The following SNW1 variants were observed in gnomAD, a reference collection of about 807,000 sequenced individuals.
SNW1 encodes SNW domain containing 1, also known as SNW domain-containing protein 1.
SNW1 carries 9 observed loss-of-function variants against 75.6 expected under a neutral mutation model. The observed-to-expected ratio is 0.12, with a 90% CI of 0.07 to 0.21. SNW1 has a LOEUF of 0.21. SNW1 is among the 10% of genes least tolerant of loss of function. SNW1 has a pLI of 1.00. For missense variants in SNW1, 409 were observed against 670.9 expected (o/e 0.61, Z 4.31); for synonymous variants, 200 against 219.1 (o/e 0.91, Z 0.77).
chr14:77,724,471 G>C (rs1451130518), intron 10 of SNW1, among the ~76,000 whole-genome samples: 2 of 152,118 alleles, frequency 1.3e-5, no homozygotes, highest in Admixed American at 6.6e-5. Context: ...CTTTCTAACT[G>C]TATTTCTGTA....
At chr14:77,719,636 A>G (rs1249491998) in intron 12 of SNW1, among the ~76,000 whole-genome samples, 1 of 102,720 alleles carries the variant, frequency 9.7e-6, no homozygotes, top group South Asian at 3.9e-4. Flanking sequence ...GTGGGACTCC[A>G]TATCAGAAAA....
rs2080500738 is a variant in SNW1, at chr14:77,717,805, A to G, written c.*283T>C. 5.7e-5 allele frequency: 33 copies of G among 579,388 alleles called. No homozygotes were observed. In the South Asian group the frequency reaches 7.7e-4, roughly 14 times the overall value. 35.9% of individuals were successfully genotyped at this position (579,388 alleles called of 1,614,324 possible). A position where few individuals can be genotyped will look rare whatever the true frequency, so the allele number is the denominator to read the frequency against. ...CACAAAACATTAACCCCAAACTACT[A>G]GTGTCACATAAAAGTAAGTGGTCTT... is the stretch of plus-strand genomic sequence containing the variant. On this transcript the variant is annotated 3_prime_UTR_variant, in exon 14 of 14. Transcript: ENST00000261531.
Position 77,717,699 on chromosome 14 carries a change from T to C in SNW1, c.*389A>G, listed in dbSNP as rs2080499593. 67 of 737,390 alleles carry C rather than the reference T, an allele frequency of 9.1e-5. No homozygotes were observed. In the South Asian group the frequency reaches 1.1e-3, roughly 12 times the overall value. 45.7% of individuals were successfully genotyped at this position (737,390 alleles called of 1,614,324 possible). A position where few individuals can be genotyped will look rare whatever the true frequency, so the allele number is the denominator to read the frequency against. The stretch of plus-strand genomic sequence containing the variant: ...CAGAGCACAATAGGGGCAAAATTTA[T>C]TTGGCAGGACAGTTCCAGTATGTGA... On this transcript the variant is annotated 3_prime_UTR_variant, in exon 14 of 14. Coordinates refer to ENST00000261531, the MANE Select transcript of SNW1 (RefSeq NM_012245.3).
At chr14:77,760,564 A>C (rs1004038135) in intron 1 of SNW1, 32 of 669,794 alleles carry the variant, frequency 4.8e-5, no homozygotes, top group Non-Finnish European at 2.4e-5. Context: ...TCCAAAGTTA[A>C]AATGCGGAGC....
At chr14:77,730,197 C>G (rs1361726316) in intron 10 of SNW1, among the ~76,000 whole-genome samples, 1 of 152,174 alleles carries the variant, frequency 6.6e-6, no homozygotes, top group East Asian at 1.9e-4. Flanking sequence ...TTTGACCACT[C>G]TCACCTTCTG....
chr14:77,744,183 C>T (rs561822399), intron 3 of SNW1, among the ~76,000 whole-genome samples: 9 of 149,214 alleles, frequency 6.0e-5, no homozygotes, highest in South Asian at 4.2e-4. Flanking sequence ...CTGGGCACAG[C>T]GACTCACGCC....
rs2139886648 is a variant in SNW1 at position 77,717,943 on chromosome 14, C to A, written c.*145G>T. The A allele has an allele frequency of 5.7e-6, 4 of 700,124 alleles. No homozygotes were observed. The highest frequency in any genetic ancestry group is 9.4e-6 in the Non-Finnish European group (4 of 426,676). The allele number at this position is 700,124 out of a possible 1,614,324, so 43.4% of individuals were successfully genotyped here. On this transcript the variant is annotated 3_prime_UTR_variant, in exon 14 of 14. Coordinates refer to ENST00000261531, the MANE Select transcript of SNW1 (RefSeq NM_012245.3). Reference sequence around the variant, plus strand: ...ATTCAAAGTAGAATTTTCTATCCCCCCCATTTCTCCAGTAATAAAAAGTAG... The same window carrying A: ...ATTCAAAGTAGAATTTTCTATCCCCACCATTTCTCCAGTAATAAAAAGTAG...
At chr14:77,750,117 C>A (rs984660023) in intron 3 of SNW1, among the ~76,000 whole-genome samples, 12 of 152,270 alleles carry the variant, frequency 7.9e-5, no homozygotes, top group Middle Eastern at 6.8e-3. Flanking sequence ...GGGAGGAATG[C>A]TTGAGCCCAG....
At chr14:77,748,383 G>A (rs1211259024) in intron 3 of SNW1, among the ~76,000 whole-genome samples, 1 of 151,322 alleles carries the variant, frequency 6.6e-6, no homozygotes, top group African/African-American at 2.4e-5. Flanking sequence ...CCCCCTCTCC[G>A]AGAAACACCC....
intron 12 of SNW1, among the ~76,000 whole-genome samples, chr14:77,720,181 GAT>G (rs1269939224): frequency 6.6e-6 from 1 of 152,052 alleles, no homozygotes; most frequent in East Asian, 1.9e-4. Flanking sequence ...ATTTTTTTGA[GAT>G]AGAGTCTCAG....
chr14:77,755,930 G>A (rs2080839525), intron 1 of SNW1, among the ~76,000 whole-genome samples: 1 of 151,554 alleles, frequency 6.6e-6, no homozygotes, highest in South Asian at 2.1e-4. Flanking sequence ...GTAGAGACAG[G>A]GTTTCGCCAT....
chr14:77,748,935 T>G (rs553056189), intron 3 of SNW1, among the ~76,000 whole-genome samples: 2 of 152,262 alleles, frequency 1.3e-5, no homozygotes, highest in East Asian at 3.9e-4. Flanking sequence ...TAAGAAAAAA[T>G]GACTCCCAGG....
intron 9 of SNW1, 47 bp downstream of exon 9, chr14:77,732,438 G>A (rs371718489): frequency 1.6e-5 from 17 of 1,034,918 alleles, no homozygotes; most frequent in Non-Finnish European, 2.3e-5. Flanking sequence ...AACCAAGAAT[G>A]GATTTTAAAA....
Position 77,731,015 on chromosome 14 carries a change from C to T in SNW1, c.1006G>A (p.Ala336Thr). The change falls in exon 10 of 14, where the codon GCT becomes ACT. Residue 336 changes from alanine (A) to threonine (T), a missense_variant. Physicochemically the swap from Ala to Thr is moderately conservative, Grantham distance 58 (BLOSUM62 0). Coordinates refer to ENST00000261531, the MANE Select transcript of SNW1 (RefSeq NM_012245.3). Reference protein sequence around the residue: ...EMAQKARERRAGIKTHVEKED... With the variant: ...EMAQKARERRTGIKTHVEKED... ...TTTTCCACATGAGTTTTGATCCCAGCTCTTCTCTCCCTGGCTTTCTGGGCC... is the reference window on the plus strand; with the variant it reads ...TTTTCCACATGAGTTTTGATCCCAGTTCTTCTCTCCCTGGCTTTCTGGGCC... The T allele has an allele frequency of 6.2e-7, 1 of 1,614,038 alleles. No homozygotes were observed. Among genetic ancestry groups the T allele is most frequent in the Non-Finnish European group, 8.5e-7 (1 of 1,179,988 alleles).
chr14:77,735,855 A>T (rs2080666806), intron 7 of SNW1, 82 bp downstream of exon 7: 1 of 938,716 alleles, frequency 1.1e-6, no homozygotes, highest in Non-Finnish European at 1.7e-6. Flanking sequence ...GGTGACATGC[A>T]CCTGTATAGG....
At chr14:77,741,686 C>A (rs1189212098) in intron 3 of SNW1, among the ~76,000 whole-genome samples, 1 of 152,158 alleles carries the variant, frequency 6.6e-6, no homozygotes, top group East Asian at 1.9e-4. Context: ...GTCTTATTTC[C>A]TCTCAGCATG....
intron 11 of SNW1, 96 bp from the exon 12 acceptor site, chr14:77,720,924 G>A: frequency 2.6e-6 from 2 of 778,948 alleles, no homozygotes; most frequent in South Asian, 3.1e-5. Context: ...CAAAGGATGT[G>A]AATATGTCAC....
At chr14:77,733,742 C>CAAAAAAAAAAAAAAAAAAAAAAAAACA (rs2080646003) in intron 8 of SNW1, among the ~76,000 whole-genome samples, 1 of 64,850 alleles carries the variant, frequency 1.5e-5, no homozygotes, top group African/African-American at 5.9e-5. Context: ...GAGACCGTCT[C>CAAAAAAAAAAAAAAAAAAAAAAAAACA]AAAAAAAAAA....
rs999241331 is a variant in SNW1, at chr14:77,717,717, G to A, written c.*371C>T. On this transcript the variant is annotated 3_prime_UTR_variant, in exon 14 of 14. Coordinates refer to ENST00000261531, the MANE Select transcript of SNW1 (RefSeq NM_012245.3). ...AAATTTATTTGGCAGGACAGTTCCAGTATGTGAACATCTTCCTCCTCACTG... is the reference window on the plus strand; with the variant it reads ...AAATTTATTTGGCAGGACAGTTCCAATATGTGAACATCTTCCTCCTCACTG... 3.0e-6 allele frequency: 2 copies of A among 658,998 alleles called. No individual in the cohort carries two copies. The highest frequency in any genetic ancestry group is 3.6e-5 in the African/African-American group (2 of 54,944). The allele number at this position is 658,998 out of a possible 1,614,324, so 40.8% of individuals were successfully genotyped here.
Sources: gnomAD v4.1 joint callset for allele counts (sites outside exome capture counted in the v4.1 genomes callset) on GRCh38, gnomAD v4.1.1 for gene constraint, MANE v1.5 for transcripts, NCBI Gene and HGNC (gene_info 2026-07-23, HGNC 2026-07-21) for gene names.